The following LURAP1 variants were observed in gnomAD, a reference collection of about 807,000 sequenced individuals.
LURAP1 encodes the protein NF-kappa-B activator C1orf190.
A neutral mutation model predicts 19.0 loss-of-function variants in LURAP1; 14 were observed. That is an observed-to-expected ratio of 0.74 (90% CI 0.49 to 1.15). The LOEUF (loss-of-function observed/expected upper bound fraction) is 1.15. LURAP1 is among the 50% of genes most tolerant of loss of function. The probability of loss-of-function intolerance (pLI) is 0.00; values close to 1 mark genes in which losing one functional copy is unlikely to be tolerated. For synonymous variants in LURAP1, 129 were observed against 131.8 expected (o/e 0.98, Z 0.14); for missense variants, 273 against 309.1 (o/e 0.88, Z 0.87).
At position 46,219,785 on chromosome 1, in the gene LURAP1, G is replaced by C; in HGVS notation, c.285G>C (p.Glu95Asp). 6.2e-7 allele frequency: 1 copy of C among 1,614,212 alleles called. No individual in the cohort carries two copies. The highest frequency in any genetic ancestry group is 1.1e-5 in the South Asian group (1 of 91,070). The change falls in exon 2 of 2, where the codon GAG (glutamate) becomes GAC (aspartate). Residue 95 changes from glutamate to aspartate, a missense_variant. By Grantham distance (45) the Glu-to-Asp change is conservative. Coordinates refer to ENST00000371980, the MANE Select transcript of LURAP1 (RefSeq NM_001013615.3). Reference protein sequence around the residue: ...EGIEAVRWLLEERGTLTSHCS... With the variant: ...EGIEAVRWLLDERGTLTSHCS... The stretch of plus-strand genomic sequence containing the variant: ...TCGAGGCAGTGCGCTGGCTGTTGGA[G>C]GAGCGGGGGACGTTGACCAGTCATT...
chr1:46,217,831 T>G (rs1659114588), intron 1 of LURAP1, among the ~76,000 whole-genome samples: 1 of 152,090 alleles, frequency 6.6e-6, no homozygotes, highest in African/African-American at 2.4e-5. Context: ...CACTCCAGCC[T>G]GGGCAACAAG....
intron 1 of LURAP1, among the ~76,000 whole-genome samples, chr1:46,216,043 CTT>C (rs141982741): frequency 7.3e-4 from 68 of 92,548 alleles, no homozygotes; most frequent in African/African-American, 9.5e-4. Context: ...TTTATTTTAT[CTT>C]TTTTTTTTTT....
intron 1 of LURAP1, among the ~76,000 whole-genome samples, chr1:46,214,935 A>C (rs1421979894): frequency 6.6e-6 from 1 of 150,518 alleles, no homozygotes; most frequent in African/African-American, 2.4e-5. Flanking sequence ...GCAAGTATAG[A>C]AATAGATGTG....
At chr1:46,210,063 T>C (rs1440010224) in intron 1 of LURAP1, among the ~76,000 whole-genome samples, 2 of 152,200 alleles carry the variant, frequency 1.3e-5, no homozygotes, top group Non-Finnish European at 2.9e-5. Context: ...TTATTTATGT[T>C]CATCTCCCCT....
At chr1:46,205,267 A>G (rs1658675092) in intron 1 of LURAP1, among the ~76,000 whole-genome samples, 1 of 152,082 alleles carries the variant, frequency 6.6e-6, no homozygotes, top group Non-Finnish European at 1.5e-5. Context: ...CCTGTCTCAA[A>G]AAAAGAAGGG....
In LURAP1 at chr1:46,216,297, C is replaced by T. The variant is rs377663980; in HGVS notation, c.199-3402C>T. 1.5e-4 allele frequency among the ~76,000 whole-genome samples: 23 copies of T among 152,064 alleles called. No homozygotes were observed. In the East Asian group the frequency reaches 2.5e-3, roughly 17 times the overall value. The stretch of plus-strand genomic sequence containing the variant: ...TCCTGACCTCGTGATCCACCCGCCT[C>T]GGCCTCCCAAAGTGCTGGGATTACA... On this transcript the variant is annotated intron_variant, in intron 1 of 1. Transcript: ENST00000371980.
chr1:46,217,499 C>A (rs1268540195), intron 1 of LURAP1, among the ~76,000 whole-genome samples: 1 of 152,032 alleles, frequency 6.6e-6, no homozygotes. Flanking sequence ...AATTTTATTG[C>A]CTATTAGGAG....
At chr1:46,214,610 G>C (rs533039287) in intron 1 of LURAP1, among the ~76,000 whole-genome samples, 1 of 152,160 alleles carries the variant, frequency 6.6e-6, no homozygotes. Flanking sequence ...GCTCATGCCT[G>C]TAATCCCAGC....
At position 46,220,299 on chromosome 1, in the gene LURAP1, G is replaced by T. The variant is rs764873582; in HGVS notation, c.*79G>T. 203 of 1,428,196 alleles carry T rather than the reference G, an allele frequency of 1.4e-4. No homozygotes were observed. The highest frequency in any genetic ancestry group is 1.8e-4 in the Non-Finnish European group (195 of 1,062,090). 88.5% of individuals were successfully genotyped at this position (1,428,196 alleles called of 1,614,324 possible). On this transcript the variant is annotated 3_prime_UTR_variant, in exon 2 of 2. Coordinates refer to ENST00000371980, the MANE Select transcript of LURAP1 (RefSeq NM_001013615.3). The stretch of plus-strand genomic sequence containing the variant: ...CTCCCCCAAAATTGATTCTCCCTCA[G>T]TCTGAGACTAGGAAGAGGCTGCACT...
At chr1:46,212,625 A>G (rs559946725) in intron 1 of LURAP1, among the ~76,000 whole-genome samples, 2 of 147,490 alleles carry the variant, frequency 1.4e-5, no homozygotes, top group African/African-American at 5.0e-5. Context: ...CACCCAAGCT[A>G]TAGTACAGTG....
chr1:46,214,335 C>A, intron 1 of LURAP1, among the ~76,000 whole-genome samples: 1 of 144,366 alleles, frequency 6.9e-6, no homozygotes. Flanking sequence ...GACAGAATGA[C>A]ATTCTGTCTC....
chr1:46,205,873 T>G (rs1248848421), intron 1 of LURAP1, among the ~76,000 whole-genome samples: 2 of 152,260 alleles, frequency 1.3e-5, no homozygotes, highest in African/African-American at 4.8e-5. Context: ...TTCGGGCTAC[T>G]GAAGGCAGGA....
At chr1:46,209,755 C>T (rs1174273544) in intron 1 of LURAP1, among the ~76,000 whole-genome samples, 1 of 151,600 alleles carries the variant, frequency 6.6e-6, no homozygotes, top group African/African-American at 2.4e-5. Flanking sequence ...GGGTAATCCA[C>T]TTGCCTCAGC....
Position 46,220,553 on chromosome 1 carries a change from C to T in LURAP1, c.*333C>T. 4.8e-6 allele frequency: 1 copy of T among 209,018 alleles called. No homozygotes were observed. The allele number at this position is 209,018 out of a possible 1,614,324, so 12.9% of individuals were successfully genotyped here. A position where few individuals can be genotyped will look rare whatever the true frequency, so the allele number is the denominator to read the frequency against. On this transcript the variant is annotated 3_prime_UTR_variant, in exon 2 of 2. Transcript: ENST00000371980. The stretch of plus-strand genomic sequence containing the variant: ...CAAGCGATCCTCCTATTTCAGCCTC[C>T]CCCATAGTTAGGACCACAGGCATGC...
chr1:46,214,046 T>C (rs1360916960), intron 1 of LURAP1, among the ~76,000 whole-genome samples: 1 of 151,866 alleles, frequency 6.6e-6, no homozygotes, highest in African/African-American at 2.4e-5. Flanking sequence ...CCTAAATAAA[T>C]AGGAAAAAGC....
At chr1:46,210,073 T>C (rs553991171) in intron 1 of LURAP1, among the ~76,000 whole-genome samples, 68 of 152,322 alleles carry the variant, frequency 4.5e-4, no homozygotes, top group Non-Finnish European at 7.8e-4. Context: ...TCATCTCCCC[T>C]TATTGAGACT....
chr1:46,204,587 A>G (rs953823), intron 1 of LURAP1, among the ~76,000 whole-genome samples: 56,574 of 152,038 alleles, frequency 0.37, 10,836 homozygotes, highest in African/African-American at 0.45. Context: ...GGGGAAGGAA[A>G]TCATGGGGGC....
chr1:46,210,325 A>G (rs1658854702), intron 1 of LURAP1, among the ~76,000 whole-genome samples: 1 of 152,210 alleles, frequency 6.6e-6, no homozygotes, highest in African/African-American at 2.4e-5. Flanking sequence ...TCATTAATAC[A>G]GAAGACCCCA....
intron 1 of LURAP1, among the ~76,000 whole-genome samples, chr1:46,217,644 G>A (rs558610918): frequency 1.2e-4 from 19 of 152,188 alleles, no homozygotes; most frequent in African/African-American, 3.9e-4. Flanking sequence ...ATTATTTGAG[G>A]TCAGGAGTTT....
Sources: allele counts gnomAD v4.1 joint callset (sites outside exome capture counted in the v4.1 genomes callset), GRCh38; gene constraint gnomAD v4.1.1; transcripts MANE v1.5; gene names NCBI Gene and HGNC (gene_info 2026-07-23, HGNC 2026-07-21).